DPP6: variants seen among roughly 807,000 people sequenced by gnomAD.
DPP6 encodes the protein dipeptidyl peptidase like 6.
In DPP6, 69 loss-of-function variants were observed where a neutral mutation model predicts 122.6. That is an observed-to-expected ratio of 0.56 (90% CI 0.46 to 0.69). The LOEUF (loss-of-function observed/expected upper bound fraction) is 0.69, where lower values mean the gene tolerates loss of function less well. Among genes scored for constraint, DPP6 ranks in the 30% least tolerant of loss-of-function variants. The pLI is 0.00. For missense variants in DPP6, 928 were observed against 1,116.9 expected (o/e 0.83, Z 2.41); for synonymous variants, 418 against 433.1 (o/e 0.97, Z 0.43).
chr7:154,733,300 C>A (rs929730988), intron 8 of DPP6, among the ~76,000 whole-genome samples: 4 of 152,214 alleles, frequency 2.6e-5, no homozygotes, highest in Non-Finnish European at 5.9e-5. Flanking sequence ...TAGTCAGGCC[C>A]ACTGTACAAG....
chr7:154,660,149 A>G (rs1837527502), intron 6 of DPP6, among the ~76,000 whole-genome samples: 1 of 152,276 alleles, frequency 6.6e-6, no homozygotes, highest in African/African-American at 2.4e-5. Flanking sequence ...AGGTAATAAA[A>G]GTGGAATTAG....
chr7:153,827,119 A>T, the DPP6 span, among the ~76,000 whole-genome samples: 2 of 152,214 alleles, frequency 1.3e-5, no homozygotes, highest in African/African-American at 2.4e-5. Flanking sequence ...AAATGATAAA[A>T]TATTCTAAAG....
chr7:154,599,987 G>A (rs1316882342), intron 5 of DPP6, among the ~76,000 whole-genome samples: 1 of 152,144 alleles, frequency 6.6e-6, no homozygotes, highest in South Asian at 2.1e-4. Flanking sequence ...TTCTCCATAA[G>A]GTCTATCCTT....
In DPP6 at chr7:154,071,571, G is replaced by A. The variant is rs190951336; in HGVS notation, c.243+18508G>A. Among the ~76,000 whole-genome samples the A allele has an allele frequency of 8.5e-5, 13 of 152,300 alleles. No individual in the cohort carries two copies. In the East Asian group the frequency reaches 2.5e-3, roughly 29 times the overall value. ...TTTCCAAACATACGGAAAAGTGGAG[G>A]GAATTAGGCGATAAGCCAGTTGTAC... On this transcript the variant is annotated intron_variant, in intron 1 of 25. Transcript: ENST00000377770.
chr7:154,137,903 A>T (rs942760604), intron 1 of DPP6, among the ~76,000 whole-genome samples: 1 of 152,172 alleles, frequency 6.6e-6, no homozygotes. Flanking sequence ...CTCCAGAAGT[A>T]TGGGGCCACC....
At chr7:154,339,917 A>G (rs932536900) in intron 1 of DPP6, among the ~76,000 whole-genome samples, 2 of 152,138 alleles carry the variant, frequency 1.3e-5, no homozygotes, top group African/African-American at 4.8e-5. Context: ...TACTAAAAAT[A>G]CAAAAATTAG....
At chr7:153,819,749 T>G in the DPP6 span, among the ~76,000 whole-genome samples, 1 of 152,262 alleles carries the variant, frequency 6.6e-6, no homozygotes, top group Non-Finnish European at 1.5e-5. Context: ...ACTGTATATG[T>G]AAAAATGGTA....
rs370578056 is a variant in DPP6, at chr7:154,715,487, A to G, written c.763-12280A>G. On this transcript the variant is annotated intron_variant, in intron 7 of 25. Coordinates refer to ENST00000377770, the MANE Select transcript of DPP6 (RefSeq NM_130797.4). ...ACTTGTACAATTTTCCGACCTTATC[A>G]TTGGAACACTTGCTAATATGATGCA... Among the ~76,000 whole-genome samples, 12 of 152,366 alleles carry G rather than the reference A, an allele frequency of 7.9e-5. No homozygotes were observed. The East Asian group carries it at 1.7e-3, about 22-fold the overall frequency.
intron 1 of DPP6, among the ~76,000 whole-genome samples, chr7:154,062,057 G>T (rs372932205): frequency 2.6e-5 from 2 of 77,292 alleles, no homozygotes; most frequent in South Asian, 6.3e-4. Flanking sequence ...CTGACAGCCA[G>T]CCCCTGGTTC....
intron 1 of DPP6, among the ~76,000 whole-genome samples, chr7:154,154,021 AAACAT>A (rs560345908): frequency 0.015 from 2,172 of 149,590 alleles, 26 homozygotes; most frequent in African/African-American, 0.05. Flanking sequence ...CAAGCATGTG[AAACAT>A]AATTGTTCCT....
At chr7:153,773,162 G>C in the DPP6 span, among the ~76,000 whole-genome samples, 2 of 148,004 alleles carry the variant, frequency 1.4e-5, no homozygotes, top group African/African-American at 4.9e-5. Context: ...CCTAATGACA[G>C]AACACACAAA....
intron 1 of DPP6, among the ~76,000 whole-genome samples, chr7:153,958,770 A>G (rs911627941): frequency 3.6e-4 from 54 of 151,936 alleles, no homozygotes; most frequent in Non-Finnish European, 2.5e-4. Context: ...GCCCATTGCT[A>G]TTTCTCCCTG....
chr7:153,851,309 AC>A, the DPP6 span, among the ~76,000 whole-genome samples: 1 of 152,050 alleles, frequency 6.6e-6, no homozygotes, highest in Non-Finnish European at 1.5e-5. Context: ...TTTTCATTAA[AC>A]CCACTCATTT....
intron 2 of DPP6, among the ~76,000 whole-genome samples, chr7:154,465,795 G>T (rs111758207): frequency 2.1e-4 from 32 of 152,324 alleles, no homozygotes; most frequent in African/African-American, 7.2e-4. Context: ...GGAAGACAGT[G>T]TGTTGATTCC....
At chr7:154,713,502 T>C (rs1470014533) in intron 7 of DPP6, among the ~76,000 whole-genome samples, 1 of 152,228 alleles carries the variant, frequency 6.6e-6, no homozygotes, top group Non-Finnish European at 1.5e-5. Context: ...TTCTGAAATC[T>C]AGGTGGAGGT....
intron 8 of DPP6, among the ~76,000 whole-genome samples, chr7:154,736,615 A>G (rs766944311): frequency 6.6e-6 from 1 of 152,220 alleles, no homozygotes; most frequent in Non-Finnish European, 1.5e-5. Context: ...GGCTACTGAC[A>G]TCATGTCTGA....
intron 16 of DPP6, among the ~76,000 whole-genome samples, chr7:154,818,014 A>G (rs564232079): frequency 3.3e-5 from 5 of 152,198 alleles, no homozygotes; most frequent in Admixed American, 6.5e-5. Context: ...TTCAGATTCC[A>G]TATTATCCAA....
chr7:153,863,508 T>C, the DPP6 span, among the ~76,000 whole-genome samples: 8 of 152,274 alleles, frequency 5.3e-5, no homozygotes, highest in African/African-American at 1.9e-4. Flanking sequence ...TTTCATAGCA[T>C]AAATTTCACT....
chr7:154,373,827 T>C (rs1246559321), intron 1 of DPP6, among the ~76,000 whole-genome samples: 1 of 152,066 alleles, frequency 6.6e-6, no homozygotes, highest in African/African-American at 2.4e-5. Context: ...CCATTCAACT[T>C]TCTGTCTGTG....
Sources: gnomAD v4.1 joint callset for allele counts (sites outside exome capture counted in the v4.1 genomes callset) on GRCh38, gnomAD v4.1.1 for gene constraint, MANE v1.5 for transcripts, NCBI Gene and HGNC (gene_info 2026-07-23, HGNC 2026-07-21) for gene names.